Variants in CCDC91 observed in about 807,000 individuals in gnomAD.
CCDC91 encodes coiled-coil domain-containing protein 91.
CCDC91 carries 48 observed loss-of-function variants against 63.2 expected under a neutral mutation model. The ratio of observed to expected loss-of-function variants is 0.76; its 90% confidence interval spans 0.60 to 0.97. The LOEUF (loss-of-function observed/expected upper bound fraction) is 0.97. Among genes scored for constraint, CCDC91 ranks in the 50% least tolerant of loss-of-function variants. CCDC91 has a pLI of 0.00. For missense variants in CCDC91, 500 were observed against 494.6 expected (o/e 1.01, Z -0.10); for synonymous variants, 167 against 165.8 (o/e 1.01, Z -0.06).
chr12:28,455,785 C>G (rs895662960), intron 11 of CCDC91, among the ~76,000 whole-genome samples: 1 of 151,834 alleles, frequency 6.6e-6, no homozygotes, highest in Non-Finnish European at 1.5e-5. Flanking sequence ...ATCATTAATT[C>G]TAAGTGCTGA....
chr12:28,279,790 C>T (rs1948478855), intron 3 of CCDC91, among the ~76,000 whole-genome samples: 1 of 151,724 alleles, frequency 6.6e-6, no homozygotes, highest in African/African-American at 2.4e-5. Context: ...TGAAAAAATG[C>T]TAGAAACTTT....
chr12:28,200,065 C>T (rs1354977577), intron 1 of CCDC91, among the ~76,000 whole-genome samples: 1 of 152,058 alleles, frequency 6.6e-6, no homozygotes, highest in Non-Finnish European at 1.5e-5. Context: ...CTGGTTCTCT[C>T]ATTATGCATA....
At chr12:28,197,733 C>CT (rs1941890101) in intron 1 of CCDC91, among the ~76,000 whole-genome samples, 1 of 152,026 alleles carries the variant, frequency 6.6e-6, no homozygotes, top group Non-Finnish European at 1.5e-5. Flanking sequence ...AATAAATTTA[C>CT]TAAGCAGATT....
chr12:28,402,829 A>G (rs1946721508), intron 8 of CCDC91, among the ~76,000 whole-genome samples: 1 of 152,068 alleles, frequency 6.6e-6, no homozygotes, highest in Non-Finnish European at 1.5e-5. Flanking sequence ...TTCTACTCCT[A>G]GTTTGCTGAG....
chr12:28,447,574 G>A (rs977344157), intron 8 of CCDC91, among the ~76,000 whole-genome samples: 2 of 150,154 alleles, frequency 1.3e-5, no homozygotes, highest in Non-Finnish European at 3.0e-5. Flanking sequence ...AATTTTGGCT[G>A]GGCACGGCGG....
Position 28,267,137 on chromosome 12 carries a change from C to T in CCDC91, c.109+7695C>T, listed in dbSNP as rs1947243577. ...AAAAGATATACAGTGAAAAATTTTT[C>T]TTTTATCTTAGTTCTCTAGTCTCAC... On this transcript the variant is annotated intron_variant, in intron 3 of 12. Coordinates refer to ENST00000536442, the MANE Select transcript of CCDC91 (RefSeq NM_018318.5). Among the ~76,000 whole-genome samples the T allele has an allele frequency of 2.6e-5, 4 of 151,662 alleles. No individual in the cohort carries two copies. The South Asian group carries it at 8.3e-4, about 32-fold the overall frequency.
intron 3 of CCDC91, among the ~76,000 whole-genome samples, chr12:28,261,009 A>G (rs1328614753): frequency 6.6e-6 from 1 of 152,014 alleles, no homozygotes; most frequent in Non-Finnish European, 1.5e-5. Context: ...GATGAAGTGT[A>G]TTCTTTCAGA....
intron 7 of CCDC91, among the ~76,000 whole-genome samples, chr12:28,385,629 A>C (rs1945551572): frequency 6.6e-6 from 1 of 152,208 alleles, no homozygotes; most frequent in South Asian, 2.1e-4. Context: ...GCTTACAGTT[A>C]GCTATGTAGG....
intron 8 of CCDC91, among the ~76,000 whole-genome samples, chr12:28,394,016 C>T (rs1210777653): frequency 6.6e-6 from 1 of 152,114 alleles, no homozygotes; most frequent in African/African-American, 2.4e-5. Context: ...AACTTGTATT[C>T]TACAAGCTAC....
chr12:28,206,034 C>T (rs1193739031), intron 1 of CCDC91, among the ~76,000 whole-genome samples: 1 of 152,138 alleles, frequency 6.6e-6, no homozygotes, highest in Non-Finnish European at 1.5e-5. Context: ...ACAAGAGTAC[C>T]TCCTTATGCT....
intron 7 of CCDC91, among the ~76,000 whole-genome samples, chr12:28,390,483 T>C (rs1945865181): frequency 6.6e-6 from 1 of 152,074 alleles, no homozygotes; most frequent in South Asian, 2.1e-4. Flanking sequence ...CTTGTTGATA[T>C]AACATACAAA....
chr12:28,250,953 AGTGTGTGTGTGTGTGTGT>A (rs3064712), intron 1 of CCDC91, among the ~76,000 whole-genome samples: 4 of 145,436 alleles, frequency 2.8e-5, no homozygotes, highest in Non-Finnish European at 1.5e-5. Flanking sequence ...TTAAGGTTTG[AGTGTGTGTGTGTGTGTGT>A]GTGTGTGTGT....
intron 3 of CCDC91, among the ~76,000 whole-genome samples, chr12:28,289,426 T>C (rs992070300): frequency 2.6e-5 from 4 of 152,156 alleles, no homozygotes; most frequent in Admixed American, 2.6e-4. Context: ...TTCTGCCTTC[T>C]CTTCATTATT....
intron 3 of CCDC91, among the ~76,000 whole-genome samples, chr12:28,282,533 T>C (rs1330288602): frequency 6.6e-6 from 1 of 152,116 alleles, no homozygotes; most frequent in Non-Finnish European, 1.5e-5. Context: ...AGATTGATTC[T>C]TTATCTTTGC....
intron 8 of CCDC91, among the ~76,000 whole-genome samples, chr12:28,411,002 T>A (rs1308549287): frequency 6.6e-6 from 1 of 152,196 alleles, no homozygotes; most frequent in Admixed American, 6.5e-5. Context: ...TTTGTTGGCT[T>A]ATCATCTATA....
intron 12 of CCDC91, among the ~76,000 whole-genome samples, chr12:28,504,545 A>G (rs756816765): frequency 2.6e-5 from 4 of 151,914 alleles, no homozygotes; most frequent in African/African-American, 9.7e-5. Flanking sequence ...TATCTTCAAT[A>G]TATATTCAGA....
At chr12:28,347,330 A>G (rs1307962043) in intron 6 of CCDC91, among the ~76,000 whole-genome samples, 2 of 152,130 alleles carry the variant, frequency 1.3e-5, no homozygotes, top group Non-Finnish European at 2.9e-5. Context: ...GTAATATGGA[A>G]TTTCCTTCAG....
intron 10 of CCDC91, 22 bp downstream of exon 10, chr12:28,450,440 G>T: frequency 1.3e-6 from 2 of 1,564,384 alleles, no homozygotes; most frequent in Non-Finnish European, 1.8e-6. Flanking sequence ...TGTAATAGTG[G>T]GTTGCTTGTA....
At chr12:28,297,502 T>C (rs1949627511) in intron 3 of CCDC91, among the ~76,000 whole-genome samples, 1 of 151,978 alleles carries the variant, frequency 6.6e-6, no homozygotes, top group African/African-American at 2.4e-5. Flanking sequence ...AGGAATATTG[T>C]GCTGACTTAT....
Sources: allele counts gnomAD v4.1 joint callset (sites outside exome capture counted in the v4.1 genomes callset), GRCh38; gene constraint gnomAD v4.1.1; transcripts MANE v1.5; gene names NCBI Gene and HGNC (gene_info 2026-07-23, HGNC 2026-07-21).